The following GALNT11 variants were observed in gnomAD, a reference collection of about 807,000 sequenced individuals.
The protein encoded by GALNT11 is polypeptide N-acetylgalactosaminyltransferase 11.
A neutral mutation model predicts 72.7 loss-of-function variants in GALNT11; 47 were observed. That is an observed-to-expected ratio of 0.65 (90% confidence interval 0.51 to 0.82). The LOEUF (loss-of-function observed/expected upper bound fraction) is 0.82. Ranked by LOEUF, GALNT11 falls within the 40% of genes least tolerant of loss-of-function variation. GALNT11 has a pLI of 0.00. For synonymous variants in GALNT11, 270 were observed against 286.6 expected (o/e 0.94, Z 0.58); for missense variants, 677 against 778.4 (o/e 0.87, Z 1.55).
In GALNT11 at chr7:152,094,574, AG is replaced by A. The variant is rs1171361336; in HGVS notation, c.295+53del. 49 of 1,500,586 alleles carry A rather than the reference AG, an allele frequency of 3.3e-5. No individual in the cohort carries two copies. The highest frequency in any genetic ancestry group is 4.2e-5 in the Non-Finnish European group (47 of 1,119,834). The allele number at this position is 1,500,586 out of a possible 1,614,324, so 93.0% of individuals were successfully genotyped here. On this transcript the variant is annotated intron_variant, in intron 2 of 11. Transcript: ENST00000430044. The surrounding 1 kb of genome is among the most constrained non-coding windows in gnomAD (Gnocchi z 4.3). ...CATATCAATGTATTTAATCACTGGA[AG>A]TTTGATTAATTAGTTAATTAGGAGA...
chr7:152,108,519 A>C (rs1180267005), intron 6 of GALNT11, among the ~76,000 whole-genome samples: 1 of 152,224 alleles, frequency 6.6e-6, no homozygotes, highest in Non-Finnish European at 1.5e-5. Flanking sequence ...CTGTGAGAAG[A>C]GCAGACAGAC....
At chr7:152,102,437 G>A (rs557378588) in intron 3 of GALNT11, among the ~76,000 whole-genome samples, 84 of 152,228 alleles carry the variant, frequency 5.5e-4, no homozygotes, top group Non-Finnish European at 1.0e-3. Flanking sequence ...AGCTACTCAG[G>A]AGGTTGAGGC....
intron 5 of GALNT11, chr7:152,107,163 A>G (rs532035022): frequency 6.6e-6 from 1 of 152,274 alleles, no homozygotes; most frequent in East Asian, 1.9e-4. Context: ...GCACTTTTAG[A>G]AAAACAATAA....
At chr7:152,066,281 T>C (rs1178236004) in intron 1 of GALNT11, among the ~76,000 whole-genome samples, 2 of 152,190 alleles carry the variant, frequency 1.3e-5, no homozygotes, top group Non-Finnish European at 2.9e-5. Flanking sequence ...GCTAAGACCA[T>C]TGGAAGAGCA....
intron 1 of GALNT11, chr7:152,079,172 T>C (rs904233468): frequency 1.3e-5 from 2 of 152,240 alleles, no homozygotes; most frequent in Non-Finnish European, 2.9e-5. Context: ...TTATTTGTTT[T>C]CCTTACTGTT....
intron 1 of GALNT11, among the ~76,000 whole-genome samples, chr7:152,074,745 G>A (rs1365383959): frequency 6.6e-6 from 1 of 152,120 alleles, no homozygotes; most frequent in Non-Finnish European, 1.5e-5. Context: ...CTTACAGTGG[G>A]CTGTGATCTT....
At chr7:152,027,210 C>G (rs2151971680) in intron 1 of GALNT11, among the ~76,000 whole-genome samples, 1 of 152,326 alleles carries the variant, frequency 6.6e-6, no homozygotes, top group East Asian at 1.9e-4. Context: ...GATCACGCCA[C>G]TGCACTCCAT....
chr7:152,121,518 T>A, intron 11 of GALNT11, 28 bp from the exon 12 acceptor site: 2 of 1,599,852 alleles, frequency 1.3e-6, no homozygotes, highest in Non-Finnish European at 1.7e-6. Flanking sequence ...TAATTGGCAG[T>A]ATTTTTTTGT....
At chr7:152,061,034 T>C (rs946613898) in intron 1 of GALNT11, among the ~76,000 whole-genome samples, 3 of 152,170 alleles carry the variant, frequency 2.0e-5, no homozygotes, top group African/African-American at 7.2e-5. Flanking sequence ...TTCTAGATCC[T>C]TGAGGAATCA....
intron 7 of GALNT11, among the ~76,000 whole-genome samples, chr7:152,111,215 A>G (rs2088157940): frequency 6.6e-6 from 1 of 151,622 alleles, no homozygotes; most frequent in African/African-American, 2.4e-5. Context: ...AGTGGGATGA[A>G]TACAGTGGCT....
intron 1 of GALNT11, among the ~76,000 whole-genome samples, chr7:152,084,350 C>T (rs1264550899): frequency 6.9e-6 from 1 of 145,978 alleles, no homozygotes; most frequent in Non-Finnish European, 1.5e-5. Flanking sequence ...TTGAGTCTAG[C>T]CCGGGCAACA....
chr7:152,036,964 T>G (rs1286819056), intron 1 of GALNT11, among the ~76,000 whole-genome samples: 1 of 152,244 alleles, frequency 6.6e-6, no homozygotes, highest in East Asian at 1.9e-4. Flanking sequence ...TTGTTTGAGT[T>G]TCTTATGTAT....
intron 1 of GALNT11, among the ~76,000 whole-genome samples, chr7:152,087,557 A>G (rs967177869): frequency 1.3e-5 from 2 of 152,244 alleles, no homozygotes; most frequent in African/African-American, 2.4e-5. Context: ...GGTCATGTCT[A>G]CCATTGATAT....
At chr7:152,048,307 G>C (rs956695915) in intron 1 of GALNT11, among the ~76,000 whole-genome samples, 1 of 151,522 alleles carries the variant, frequency 6.6e-6, no homozygotes, top group African/African-American at 2.4e-5. Flanking sequence ...TTTCTTTTTT[G>C]TTGCTGCTTT....
chr7:152,039,614 ACAGTTGG>A (rs144728429), intron 1 of GALNT11, among the ~76,000 whole-genome samples: 8,011 of 152,118 alleles, frequency 0.053, 692 homozygotes, highest in African/African-American at 0.18. Flanking sequence ...GTTGCTCATG[ACAGTTGG>A]CATCCTCCTC....
intron 8 of GALNT11, among the ~76,000 whole-genome samples, 175 bp downstream of exon 8, chr7:152,113,573 C>T (rs1437014965): frequency 2.6e-5 from 4 of 151,928 alleles, no homozygotes; most frequent in Non-Finnish European, 5.9e-5. Context: ...TCACTTCTTT[C>T]TGGTTCTAAT....
intron 1 of GALNT11, among the ~76,000 whole-genome samples, chr7:152,051,202 T>G (rs987391915): frequency 1.7e-5 from 2 of 115,324 alleles, no homozygotes; most frequent in Admixed American, 8.0e-5. Flanking sequence ...TCTGGTTGTT[T>G]TTTTTTTTTT....
intron 5 of GALNT11, chr7:152,107,227 G>C (rs2087663543): frequency 6.7e-6 from 1 of 148,670 alleles, no homozygotes; most frequent in Non-Finnish European, 1.5e-5. Flanking sequence ...GAACCGTGGA[G>C]CTCTTAAATT....
chr7:152,081,717 G>A (rs1260305922), intron 1 of GALNT11, among the ~76,000 whole-genome samples: 2 of 152,048 alleles, frequency 1.3e-5, no homozygotes, highest in African/African-American at 4.8e-5. Flanking sequence ...CTTCTTATGG[G>A]TATCAGCTTT....
Sources: gnomAD v4.1 joint callset for allele counts (sites outside exome capture counted in the v4.1 genomes callset) on GRCh38, gnomAD v4.1.1 for gene constraint, Gnocchi (gnomAD v3.1) non-coding constraint, MANE v1.5 for transcripts, NCBI Gene and HGNC (gene_info 2026-07-23, HGNC 2026-07-21) for gene names.